Variants in CELF2 observed in about 807,000 individuals in gnomAD.
CELF2 encodes CUGBP Elav-like family member 2, also known as CUG triplet repeat RNA-binding protein 2.
A neutral mutation model predicts 62.6 loss-of-function variants in CELF2; 8 were observed. The ratio of observed to expected loss-of-function variants is 0.13; its 90% CI spans 0.07 to 0.23. The LOEUF (loss-of-function observed/expected upper bound fraction) is 0.23, where lower values mean the gene tolerates loss of function less well. CELF2 is among the 10% of genes least tolerant of loss of function. The pLI, the probability that CELF2 is intolerant of heterozygous loss-of-function variation, is 1.00. For synonymous variants in CELF2, 258 were observed against 250.0 expected, an observed-to-expected ratio of 1.03 and a Z score of -0.30; for missense variants, 333 against 671.0, an observed-to-expected ratio of 0.50 and a Z score of 5.56.
the CELF2 span, among the ~76,000 whole-genome samples, chr10:10,755,860 A>C: frequency 6.6e-6 from 1 of 152,212 alleles, no homozygotes; most frequent in Non-Finnish European, 1.5e-5. Flanking sequence ...TGGATGCCAG[A>C]CGCACAACCA....
the CELF2 span, among the ~76,000 whole-genome samples, chr10:10,605,069 C>T: frequency 3.3e-5 from 5 of 152,180 alleles, no homozygotes; most frequent in African/African-American, 9.7e-5. Context: ...GGTACATATA[C>T]ACCATGGAAT....
At chr10:11,200,924 A>C (rs544650463) in intron 2 of CELF2, among the ~76,000 whole-genome samples, 1 of 152,334 alleles carries the variant, frequency 6.6e-6, no homozygotes, top group South Asian at 2.1e-4. Flanking sequence ...GAAATGTCAG[A>C]TATTCTTGTC....
chr10:11,113,011 G>A (rs1036425934), intron 1 of CELF2, among the ~76,000 whole-genome samples: 1 of 152,108 alleles, frequency 6.6e-6, no homozygotes, highest in Admixed American at 6.6e-5. Context: ...GTGAGTAAAC[G>A]CAATGCATTT....
the CELF2 span, among the ~76,000 whole-genome samples, chr10:10,717,784 A>G: frequency 1.3e-5 from 2 of 152,168 alleles, no homozygotes; most frequent in East Asian, 1.9e-4. Context: ...AGAAAAATGT[A>G]TTCTGCCCGG....
the CELF2 span, among the ~76,000 whole-genome samples, chr10:10,633,763 G>T: frequency 6.6e-6 from 1 of 151,574 alleles, no homozygotes; most frequent in African/African-American, 2.4e-5. Context: ...CCCTTCTACC[G>T]TTTATATTCC....
the CELF2 span, among the ~76,000 whole-genome samples, chr10:10,659,868 G>T: frequency 6.3e-4 from 96 of 152,344 alleles, 1 homozygote; most frequent in East Asian, 0.012. Flanking sequence ...AGGATCTGGA[G>T]ATGGGGAGAT....
chr10:11,138,206 A>G (rs2060747383), intron 1 of CELF2, among the ~76,000 whole-genome samples: 1 of 152,252 alleles, frequency 6.6e-6, no homozygotes, highest in Non-Finnish European at 1.5e-5. Flanking sequence ...GACAGTAATG[A>G]TTATGGAATT....
intron 1 of CELF2, among the ~76,000 whole-genome samples, chr10:11,052,079 T>C (rs2064056977): frequency 6.6e-6 from 1 of 151,978 alleles, no homozygotes; most frequent in Admixed American, 6.6e-5. Context: ...TAATTAGGTA[T>C]TTTACAGTCT....
intron 1 of CELF2, among the ~76,000 whole-genome samples, chr10:10,832,124 C>T (rs1014895309): frequency 1.3e-4 from 19 of 151,118 alleles, no homozygotes; most frequent in African/African-American, 2.4e-4. Flanking sequence ...AAAAATTAGC[C>T]GGGAGTGGTG....
At chr10:10,805,320 T>G (rs2055101637) in intron 1 of CELF2, among the ~76,000 whole-genome samples, 2 of 152,228 alleles carry the variant, frequency 1.3e-5, no homozygotes, top group Non-Finnish European at 2.9e-5. Flanking sequence ...GTTACTACTT[T>G]TTCTTGATAA....
At chr10:11,085,355 T>C (rs1398432377) in intron 1 of CELF2, among the ~76,000 whole-genome samples, 1 of 152,226 alleles carries the variant, frequency 6.6e-6, no homozygotes, top group African/African-American at 2.4e-5. Flanking sequence ...TCACCTTTTA[T>C]ACCATAATCC....
chr10:11,231,612 T>C (rs957017960), intron 3 of CELF2, among the ~76,000 whole-genome samples: 9 of 151,502 alleles, frequency 5.9e-5, no homozygotes, highest in Non-Finnish European at 2.9e-5. Flanking sequence ...ATTGTGTCCA[T>C]TTTGCTCATT....
chr10:10,553,391 A>G, the CELF2 span, among the ~76,000 whole-genome samples: 3 of 152,186 alleles, frequency 2.0e-5, no homozygotes. Flanking sequence ...TTATAAGGGC[A>G]CTATCTCATT....
chr10:11,201,911 T>C (rs1403924868), intron 2 of CELF2, among the ~76,000 whole-genome samples: 1 of 152,118 alleles, frequency 6.6e-6, no homozygotes, highest in Non-Finnish European at 1.5e-5. Flanking sequence ...CGTTGCAGTT[T>C]TCTGCTGAGA....
chr10:11,104,819 A>T (rs1035672928), intron 1 of CELF2, among the ~76,000 whole-genome samples: 5 of 152,262 alleles, frequency 3.3e-5, no homozygotes, highest in Admixed American at 2.6e-4. Flanking sequence ...ATCATCTGGG[A>T]AAACAATGAC....
At chr10:11,273,455 A>G (rs1041521110) in intron 7 of CELF2, among the ~76,000 whole-genome samples, 1 of 152,044 alleles carries the variant, frequency 6.6e-6, no homozygotes, top group Non-Finnish European at 1.5e-5. Flanking sequence ...TTTCATCTCA[A>G]AACCTTCCCC....
At chr10:11,183,305 G>A (rs1160623118) in intron 2 of CELF2, among the ~76,000 whole-genome samples, 2 of 152,148 alleles carry the variant, frequency 1.3e-5, no homozygotes, top group African/African-American at 2.4e-5. Flanking sequence ...GCTGAGTAAC[G>A]TTTCATAGAA....
At chr10:10,979,026 T>G (rs1260219373) in intron 2 of CELF2, among the ~76,000 whole-genome samples, 6 of 152,190 alleles carry the variant, frequency 3.9e-5, no homozygotes, top group African/African-American at 1.4e-4. Flanking sequence ...TTCCCCAGGC[T>G]TCCAGTTTCA....
At chr10:10,637,327 TA>T in the CELF2 span, among the ~76,000 whole-genome samples, 1 of 152,156 alleles carries the variant, frequency 6.6e-6, no homozygotes, top group African/African-American at 2.4e-5. Flanking sequence ...ATTTATCTAG[TA>T]ACAAGATTAG....
Sources: gnomAD v4.1 joint callset for allele counts (sites outside exome capture counted in the v4.1 genomes callset) on GRCh38, gnomAD v4.1.1 for gene constraint, MANE v1.5 for transcripts, NCBI Gene and HGNC (gene_info 2026-07-23, HGNC 2026-07-21) for gene names.